The following CTDSPL variants were observed in gnomAD, a reference collection of about 807,000 sequenced individuals.
CTDSPL encodes the protein CTD small phosphatase like, also known as CTD small phosphatase-like protein.
In CTDSPL, 8 loss-of-function variants were observed where a neutral mutation model predicts 30.5. The ratio of observed to expected loss-of-function variants is 0.26; its 90% CI spans 0.15 to 0.47. The LOEUF is 0.47. Ranked by LOEUF, CTDSPL falls within the 20% of genes least tolerant of loss-of-function variation. The pLI, the probability that CTDSPL is intolerant of heterozygous loss-of-function variation, is 0.99. For missense variants in CTDSPL, 248 were observed against 366.1 expected (o/e 0.68, Z 2.63); for synonymous variants, 110 against 137.9 (o/e 0.80, Z 1.42).
rs1697947198 is a variant in CTDSPL at position 37,862,131 on chromosome 3, C to T, written c.-69C>T. On this transcript the variant is annotated 5_prime_UTR_variant, in exon 1 of 8. Transcript: ENST00000273179. This position sits in a 1 kb window ranked among gnomAD's most constrained non-coding sequence, Gnocchi z 4.3. ...CCCCGCGCCGCGCCCCCGCGCCCCCCGCGCCGCGCCCCCGCGCGCTTGGCT... is the reference window on the plus strand; with the variant it reads ...CCCCGCGCCGCGCCCCCGCGCCCCCTGCGCCGCGCCCCCGCGCGCTTGGCT... 1.2e-6 allele frequency: 1 copy of T among 805,108 alleles called. No homozygotes were observed. The highest frequency in any genetic ancestry group is 5.7e-5 in the South Asian group (1 of 17,650). The allele number at this position is 805,108 out of a possible 1,614,324, so 49.9% of individuals were successfully genotyped here.
At chr3:37,883,946 A>G (rs1009913696) in intron 1 of CTDSPL, among the ~76,000 whole-genome samples, 1 of 152,200 alleles carries the variant, frequency 6.6e-6, no homozygotes, top group Admixed American at 6.5e-5. Context: ...CATTCTTGAT[A>G]TTAGTTAGGT....
intron 1 of CTDSPL, among the ~76,000 whole-genome samples, chr3:37,905,555 G>A (rs1698505085): frequency 6.6e-6 from 1 of 152,210 alleles, no homozygotes; most frequent in Non-Finnish European, 1.5e-5. Flanking sequence ...AGTTCACAAA[G>A]GCCAGGGGCC....
intron 3 of CTDSPL, 44 bp downstream of exon 3, chr3:37,957,187 A>C (rs1382207344): frequency 7.1e-7 from 1 of 1,416,150 alleles, no homozygotes; most frequent in Admixed American, 2.0e-5. Context: ...CAGTCATAAA[A>C]TCTTGTGGCT....
At chr3:37,910,643 A>G (rs983046558) in intron 1 of CTDSPL, among the ~76,000 whole-genome samples, 1 of 152,254 alleles carries the variant, frequency 6.6e-6, no homozygotes, top group Non-Finnish European at 1.5e-5. Flanking sequence ...GTATATTTAA[A>G]TATATTTCTT....
intron 3 of CTDSPL, 87 bp from the exon 4 acceptor site, chr3:37,964,484 C>A: frequency 1.2e-6 from 1 of 824,890 alleles, no homozygotes; most frequent in Non-Finnish European, 2.0e-6. Context: ...CTTGACCAGG[C>A]ATTTAAATGT....
chr3:37,956,874 TTG>T (rs1699180332), intron 2 of CTDSPL, among the ~76,000 whole-genome samples: 1 of 152,166 alleles, frequency 6.6e-6, no homozygotes, highest in Admixed American at 6.5e-5. Context: ...ACAAAATGGT[TTG>T]TGAGTCTCAG....
At chr3:37,875,795 T>C (rs1698128228) in intron 1 of CTDSPL, among the ~76,000 whole-genome samples, 1 of 152,276 alleles carries the variant, frequency 6.6e-6, no homozygotes, top group Non-Finnish European at 1.5e-5. Context: ...GTTAGAATTA[T>C]ACATTTCATA....
chr3:37,871,774 C>T (rs890632934), intron 1 of CTDSPL, among the ~76,000 whole-genome samples: 3 of 152,178 alleles, frequency 2.0e-5, no homozygotes, highest in Non-Finnish European at 4.4e-5. Context: ...TATAGTCCCA[C>T]AGATTTATCC....
intron 1 of CTDSPL, among the ~76,000 whole-genome samples, chr3:37,882,894 G>A (rs1187922244): frequency 6.6e-6 from 1 of 152,166 alleles, no homozygotes; most frequent in Admixed American, 6.6e-5. Context: ...GTCTTAATAT[G>A]TTTCTCTAAG....
chr3:37,957,802 C>T (rs748703524), intron 3 of CTDSPL, among the ~76,000 whole-genome samples: 2 of 152,194 alleles, frequency 1.3e-5, no homozygotes, highest in African/African-American at 2.4e-5. Flanking sequence ...CTCAGCCATC[C>T]GCTGTCCTGG....
chr3:37,903,448 A>T (rs1208868341), intron 1 of CTDSPL, among the ~76,000 whole-genome samples: 3 of 152,200 alleles, frequency 2.0e-5, no homozygotes. Flanking sequence ...AAGCTGGGGC[A>T]GGGGGTGGGA....
At chr3:37,950,269 C>T (rs960955953) in intron 2 of CTDSPL, among the ~76,000 whole-genome samples, 1 of 152,154 alleles carries the variant, frequency 6.6e-6, no homozygotes, top group African/African-American at 2.4e-5. Context: ...CTGACCTGCA[C>T]AGACACTAAG....
chr3:37,891,259 A>T (rs1239527435), intron 1 of CTDSPL, among the ~76,000 whole-genome samples: 1 of 152,150 alleles, frequency 6.6e-6, no homozygotes, highest in Non-Finnish European at 1.5e-5. Flanking sequence ...TCTGGGATCT[A>T]CCCCAAACCA....
At chr3:37,916,587 C>G (rs1001998527) in intron 1 of CTDSPL, among the ~76,000 whole-genome samples, 1 of 152,158 alleles carries the variant, frequency 6.6e-6, no homozygotes, top group Non-Finnish European at 1.5e-5. Flanking sequence ...AGTGATGCAT[C>G]TACAAGCTAA....
At chr3:37,921,607 CCA>C (rs58395906) in intron 1 of CTDSPL, among the ~76,000 whole-genome samples, 39,244 of 147,498 alleles carry the variant, frequency 0.27, 5,211 homozygotes, top group Admixed American at 0.3. Context: ...ACCCTAACTA[CCA>C]CACACACACA....
intron 2 of CTDSPL, chr3:37,954,338 G>A (rs1333907821): frequency 1.3e-5 from 2 of 152,190 alleles, no homozygotes; most frequent in Non-Finnish European, 2.9e-5. Context: ...AATCCAAAGT[G>A]GGGTGATACG....
chr3:37,899,578 G>T (rs1698426140), intron 1 of CTDSPL, among the ~76,000 whole-genome samples: 1 of 152,220 alleles, frequency 6.6e-6, no homozygotes, highest in Non-Finnish European at 1.5e-5. Flanking sequence ...GTGGTGGCAA[G>T]TGAGAATTCT....
chr3:37,921,643 A>ACACACACT (rs1491173220), intron 1 of CTDSPL, among the ~76,000 whole-genome samples: 2 of 143,282 alleles, frequency 1.4e-5, no homozygotes, highest in African/African-American at 5.1e-5. Context: ...ACACACACAC[A>ACACACACT]CTCACACAAA....
intron 1 of CTDSPL, among the ~76,000 whole-genome samples, chr3:37,863,082 G>T (rs188030158): frequency 6.6e-5 from 10 of 152,308 alleles, no homozygotes; most frequent in African/African-American, 2.4e-4. Flanking sequence ...CTGGAGTCTG[G>T]GGGGGAGAAG....
Sources: gnomAD v4.1 joint callset for allele counts (sites outside exome capture counted in the v4.1 genomes callset) on GRCh38, gnomAD v4.1.1 for gene constraint, Gnocchi (gnomAD v3.1) non-coding constraint, MANE v1.5 for transcripts, NCBI Gene and HGNC (gene_info 2026-07-23, HGNC 2026-07-21) for gene names.